TACC2: variants seen among roughly 807,000 people sequenced by gnomAD.
The protein encoded by TACC2 is transforming acidic coiled-coil-containing protein 2.
A neutral mutation model predicts 227.3 loss-of-function variants in TACC2; 137 were observed. That is an observed-to-expected ratio of 0.60 (90% CI 0.52 to 0.69). The LOEUF (loss-of-function observed/expected upper bound fraction) is 0.69. Among genes scored for constraint, TACC2 ranks in the 30% least tolerant of loss-of-function variants. TACC2 has a pLI of 0.00. For missense variants in TACC2, 3,470 were observed against 3,694.4 expected (o/e 0.94, Z 1.57); for synonymous variants, 1,523 against 1,487.5 (o/e 1.02, Z -0.55).
intron 1 of TACC2, among the ~76,000 whole-genome samples, chr10:122,000,933 C>T (rs546144389): frequency 6.6e-6 from 1 of 152,322 alleles, no homozygotes; most frequent in South Asian, 2.1e-4. Flanking sequence ...AGCGATTCTC[C>T]TTCCTCAGCC....
intron 10 of TACC2, among the ~76,000 whole-genome samples, chr10:122,216,380 AT>A (rs60334067): frequency 4.4e-4 from 66 of 148,542 alleles, no homozygotes; most frequent in African/African-American, 4.7e-4. Flanking sequence ...CAAAATCCTG[AT>A]TTTTTTTTTT....
At chr10:122,000,441 CAGA>C (rs1470999057) in intron 1 of TACC2, among the ~76,000 whole-genome samples, 1 of 152,164 alleles carries the variant, frequency 6.6e-6, no homozygotes, top group African/African-American at 2.4e-5. Flanking sequence ...AAATTACTGG[CAGA>C]TTGCTCGATG....
chr10:122,084,415 G>A lies in TACC2; in HGVS notation c.1915G>A (p.Gly639Arg). Reference protein sequence around the residue: ...SSHSAQPPRKGGAGHTDGPHS... With the variant: ...SSHSAQPPRKRGAGHTDGPHS... ...ACACTCAGCACAGCCACCCAGAAAGGGGGGTGCTGGGCACACGGACGGGCC... is the reference window on the plus strand; with the variant it reads ...ACACTCAGCACAGCCACCCAGAAAGAGGGGTGCTGGGCACACGGACGGGCC... Residue 639 changes from glycine to arginine, a missense_variant, in exon 4 of 23, where the codon GGG (glycine) becomes AGG (arginine). Around this residue, in one of 10 missense-constraint regions of TACC2, gnomAD observed 1,924 missense variants for 1,978.3 expected, o/e 0.97. Coordinates refer to ENST00000369005, the MANE Select transcript of TACC2 (RefSeq NM_206862.4). 6.2e-7 allele frequency: 1 copy of A among 1,612,970 alleles called. No individual in the cohort carries two copies. The highest frequency in any genetic ancestry group is 2.2e-5 in the East Asian group (1 of 44,866).
chr10:122,176,097 CTCTCTCTCTCTCTCTCTCTCTATATA>C (rs1302156800), intron 7 of TACC2, among the ~76,000 whole-genome samples: 2,012 of 87,234 alleles, frequency 0.023, 17 homozygotes, highest in African/African-American at 0.068. Flanking sequence ...CTCTCTCTCT[CTCTCTCTCTCTCTCTCTCTCTATATA>C]TATATATATA....
intron 1 of TACC2, among the ~76,000 whole-genome samples, chr10:122,003,846 C>T (rs763120088): frequency 5.3e-5 from 8 of 151,716 alleles, no homozygotes; most frequent in South Asian, 2.1e-4. Context: ...TTAGTAGAGA[C>T]GGGGTTTCAC....
At chr10:122,052,757 A>C (rs1485402435) in intron 3 of TACC2, 2 of 152,136 alleles carry the variant, frequency 1.3e-5, no homozygotes, top group African/African-American at 4.8e-5. Flanking sequence ...ACAATTAAAA[A>C]CATGATTCTC....
At chr10:122,016,566 TAAAAAAAA>T (rs35641018) in intron 1 of TACC2, among the ~76,000 whole-genome samples, 3 of 135,182 alleles carry the variant, frequency 2.2e-5, no homozygotes, top group Non-Finnish European at 4.8e-5. Context: ...GACTCTGTCT[TAAAAAAAA>T]AAAAAAAAAA....
In TACC2 at chr10:122,176,117, C is replaced by CTCTA. The variant is rs1447382017; in HGVS notation, c.5835-18922_5835-18921insCTAT. 9.7e-3 allele frequency among the ~76,000 whole-genome samples: 532 copies of CTCTA among 54,588 alleles called. 4 individuals are homozygous for CTCTA. The highest frequency in any genetic ancestry group is 0.015 in the Non-Finnish European group (429 of 28,724). The allele number at this position is 54,588 out of a possible 152,430, so 35.8% of individuals were successfully genotyped here. ...TCTCTCTCTCTCTCTCTCTCTCTCT[C>CTCTA]TATATATATATATATATATATATAT... On this transcript the variant is annotated intron_variant, in intron 7 of 22. Coordinates refer to ENST00000369005, the MANE Select transcript of TACC2 (RefSeq NM_206862.4).
At position 122,211,700 on chromosome 10, in the gene TACC2, C is replaced by T. The variant is rs763502836; in HGVS notation, c.7275C>T (p.Pro2425=). ...LNKPAKKKKT[P]LKTDTFRVKK... ...AGCCCGCCAAGAAGAAGAAGACGCC[C>T]CTAAAGACGTAAGTTCAGGGGTGGA... Residue 2425 remains proline (P), a synonymous_variant, in exon 9 of 23, where the codon CCC becomes CCT. Coordinates refer to ENST00000369005, the MANE Select transcript of TACC2 (RefSeq NM_206862.4). 2 of 1,549,406 alleles carry T rather than the reference C, an allele frequency of 1.3e-6. No homozygotes were observed. The highest frequency in any genetic ancestry group is 1.3e-5 in the South Asian group (1 of 79,052).
intron 1 of TACC2, among the ~76,000 whole-genome samples, chr10:122,007,041 T>C (rs892791270): frequency 3.3e-5 from 5 of 152,070 alleles, no homozygotes; most frequent in Admixed American, 2.6e-4. Flanking sequence ...TTTGTATTTT[T>C]AGTAGAGACA....
intron 7 of TACC2, among the ~76,000 whole-genome samples, chr10:122,161,281 T>G (rs2092799927): frequency 6.6e-6 from 1 of 152,164 alleles, no homozygotes; most frequent in Non-Finnish European, 1.5e-5. Flanking sequence ...TGAGATGGTG[T>G]TGTCCCACTA....
At chr10:122,105,987 CA>C (rs1475567046) in intron 5 of TACC2, among the ~76,000 whole-genome samples, 54 of 98,734 alleles carry the variant, frequency 5.5e-4, no homozygotes, top group African/African-American at 1.5e-3. Context: ...TATACATATA[CA>C]TTTTTTTTTT....
intron 3 of TACC2, among the ~76,000 whole-genome samples, chr10:122,062,718 G>C (rs1359095692): frequency 6.6e-6 from 1 of 152,132 alleles, no homozygotes; most frequent in African/African-American, 2.4e-5. Flanking sequence ...AAACATCTTT[G>C]GTGTGGATAG....
At chr10:122,214,490 C>G (rs1054803440) in intron 9 of TACC2, among the ~76,000 whole-genome samples, 3 of 152,226 alleles carry the variant, frequency 2.0e-5, no homozygotes, top group African/African-American at 4.8e-5. Context: ...GATCACCCCC[C>G]AAAGCCTTTG....
intron 3 of TACC2, among the ~76,000 whole-genome samples, chr10:122,067,361 T>TGTATGCTGGCTTTCATTATTTCC (rs2077491656): frequency 6.6e-6 from 1 of 152,182 alleles, no homozygotes; most frequent in Non-Finnish European, 1.5e-5. Context: ...ATATTATTTC[T>TGTATGCTGGCTTTCATTATTTCC]GTATTCTGGC....
chr10:122,115,149 C>G (rs1318106279), intron 5 of TACC2, among the ~76,000 whole-genome samples: 1 of 152,194 alleles, frequency 6.6e-6, no homozygotes, highest in Non-Finnish European at 1.5e-5. Context: ...GAGACAGACA[C>G]TGCTTGAGGA....
chr10:122,046,550 G>A (rs551809882), intron 2 of TACC2, among the ~76,000 whole-genome samples: 6 of 152,044 alleles, frequency 3.9e-5, no homozygotes, highest in South Asian at 2.1e-4. Flanking sequence ...AGGGAGAGAC[G>A]CCTGCCTTTT....
intron 1 of TACC2, among the ~76,000 whole-genome samples, chr10:121,999,237 G>A (rs1400678166): frequency 2.0e-5 from 3 of 152,086 alleles, no homozygotes; most frequent in Admixed American, 6.6e-5. Flanking sequence ...TCAATCTCCT[G>A]AACTCGTGAT....
chr10:122,074,700 T>G (rs2136855364), intron 3 of TACC2, among the ~76,000 whole-genome samples: 1 of 152,196 alleles, frequency 6.6e-6, no homozygotes, highest in South Asian at 2.1e-4. Context: ...CCTACCAGAC[T>G]TATGATTGAT....
Sources: allele counts gnomAD v4.1 joint callset (sites outside exome capture counted in the v4.1 genomes callset), GRCh38; gene constraint gnomAD v4.1.1; regional missense constraint gnomAD v4.1.1; transcripts MANE v1.5; gene names NCBI Gene and HGNC (gene_info 2026-07-23, HGNC 2026-07-21).